Variants in DNAJC11 observed in about 807,000 individuals in gnomAD.
DNAJC11 encodes the protein DnaJ heat shock protein family (Hsp40) member C11.
A neutral mutation model predicts 78.6 loss-of-function variants in DNAJC11; 15 were observed. That is an observed-to-expected ratio of 0.19 (90% confidence interval 0.13 to 0.29). DNAJC11 has a LOEUF of 0.29. Ranked by LOEUF, DNAJC11 falls within the 10% of genes least tolerant of loss-of-function variation. The pLI is 1.00. For missense variants in DNAJC11, 547 were observed against 709.6 expected, an observed-to-expected ratio of 0.77 and a Z score of 2.60; for synonymous variants, 292 against 272.1, an observed-to-expected ratio of 1.07 and a Z score of -0.72.
chr1:6,645,202 C>G lies in DNAJC11; in HGVS notation c.895-76G>C. The stretch of plus-strand genomic sequence containing the variant: ...GGGGAGATGGGTATCTGCCCTCCCA[C>G]TAGCTCTGGGCATCTGCTGCACACA... On this transcript the variant is annotated intron_variant, in intron 8 of 15. Transcript: ENST00000377577. This position sits in a 1 kb window ranked among gnomAD's most constrained non-coding sequence, Gnocchi z 4.1. The G allele has an allele frequency of 8.4e-7, 1 of 1,190,454 alleles. No homozygotes were observed. Among genetic ancestry groups the G allele is most frequent in the South Asian group, 1.2e-5 (1 of 80,984 alleles). 73.7% of individuals were successfully genotyped at this position (1,190,454 alleles called of 1,614,324 possible).
At chr1:6,637,596 C>G (rs1212346672) in intron 12 of DNAJC11, 92 bp from the exon 13 acceptor site, 2 of 1,417,700 alleles carry the variant, frequency 1.4e-6, no homozygotes, top group Non-Finnish European at 2.0e-6. Flanking sequence ...TTGTCCACGT[C>G]AACATACTTG....
intron 1 of DNAJC11, among the ~76,000 whole-genome samples, chr1:6,692,912 C>CT (rs1166973430): frequency 6.8e-6 from 1 of 146,548 alleles, no homozygotes; most frequent in Admixed American, 6.8e-5. Flanking sequence ...CGCCCAGCCT[C>CT]TTTTTTTTTC....
Position 6,701,643 on chromosome 1 carries a change from G to A in DNAJC11, c.72+86C>T, listed in dbSNP as rs1642931169. On this transcript the variant is annotated intron_variant, in intron 1 of 15. Transcript: ENST00000377577. Reference sequence around the variant, plus strand: ...CCGACGGACCCGAGCCTCCCGTGGCGGGGGTGGGGCGGCCACCGCCAGCCC... The same window carrying A: ...CCGACGGACCCGAGCCTCCCGTGGCAGGGGTGGGGCGGCCACCGCCAGCCC... 4 of 1,371,572 alleles carry A rather than the reference G, an allele frequency of 2.9e-6. No homozygotes were observed. The South Asian group carries it at 5.4e-5, about 19-fold the overall frequency. The allele number at this position is 1,371,572 out of a possible 1,614,324, so 85.0% of individuals were successfully genotyped here. A position where few individuals can be genotyped will look rare whatever the true frequency, so the allele number is the denominator to read the frequency against.
chr1:6,690,686 AGGCTGAGGTG>A (rs1401598468), intron 1 of DNAJC11, among the ~76,000 whole-genome samples: 1 of 152,174 alleles, frequency 6.6e-6, no homozygotes, highest in Non-Finnish European at 1.5e-5. Context: ...GCACTTTGGG[AGGCTGAGGTG>A]GGCGGATCAC....
intron 4 of DNAJC11, among the ~76,000 whole-genome samples, chr1:6,666,380 C>CT (rs1642294269): frequency 2.9e-5 from 3 of 103,254 alleles, no homozygotes; most frequent in African/African-American, 1.1e-4. Flanking sequence ...TTTTTTCTTT[C>CT]TTTTCTTTTT....
chr1:6,635,394 G>T lies in DNAJC11; in HGVS notation c.*281C>A. 1 of 409,514 alleles carries T rather than the reference G, an allele frequency of 2.4e-6. No homozygotes were observed. The highest frequency in any genetic ancestry group is 4.4e-6 in the Non-Finnish European group (1 of 226,238). The allele number at this position is 409,514 out of a possible 1,614,324, so 25.4% of individuals were successfully genotyped here. On this transcript the variant is annotated 3_prime_UTR_variant, in exon 16 of 16. Coordinates refer to ENST00000377577, the MANE Select transcript of DNAJC11 (RefSeq NM_018198.4). ...CAGCACGTGTGCTCGGGACACAGCGGAGTCAGGGCCAGAGCCCTTCCCTCC... is the reference window on the plus strand; with the variant it reads ...CAGCACGTGTGCTCGGGACACAGCGTAGTCAGGGCCAGAGCCCTTCCCTCC...
intron 4 of DNAJC11, among the ~76,000 whole-genome samples, chr1:6,656,287 C>A (rs1642125301): frequency 6.6e-6 from 1 of 151,658 alleles, no homozygotes; most frequent in Non-Finnish European, 1.5e-5. Flanking sequence ...GTGTAGGAAT[C>A]TTGGTGGAGC....
At chr1:6,670,174 G>T (rs1414631853) in intron 3 of DNAJC11, among the ~76,000 whole-genome samples, 1 of 151,748 alleles carries the variant, frequency 6.6e-6, no homozygotes, top group Non-Finnish European at 1.5e-5. Context: ...TAGCCAGGAT[G>T]GTCTTGCTCT....
chr1:6,675,763 T>C (rs1379135731), intron 3 of DNAJC11, among the ~76,000 whole-genome samples: 2 of 152,168 alleles, frequency 1.3e-5, no homozygotes, highest in African/African-American at 4.8e-5. Flanking sequence ...GTGGATTTGC[T>C]TTGTTTCTAA....
At chr1:6,637,129 C>A in intron 14 of DNAJC11, 69 bp downstream of exon 14, 1 of 1,591,910 alleles carries the variant, frequency 6.3e-7, no homozygotes, top group Non-Finnish European at 8.5e-7. Context: ...GGATTATAGG[C>A]CTGAGTCACC....
chr1:6,658,447 A>G (rs1642162933), intron 4 of DNAJC11, among the ~76,000 whole-genome samples: 1 of 152,222 alleles, frequency 6.6e-6, no homozygotes, highest in South Asian at 2.1e-4. Flanking sequence ...TCCAATTATA[A>G]TTACACTGGG....
chr1:6,645,750 A>C lies in DNAJC11; in HGVS notation c.894+39T>G. Reference sequence around the variant, plus strand: ...AGTGCTTGGGAGGAGGGGTCCTCCCAGAGCTCTGTCTGCAGGAGATGATGG... The same window carrying C: ...AGTGCTTGGGAGGAGGGGTCCTCCCCGAGCTCTGTCTGCAGGAGATGATGG... On this transcript the variant is annotated intron_variant, in intron 8 of 15. Transcript: ENST00000377577. The surrounding 1 kb of genome is among the most constrained non-coding windows in gnomAD (Gnocchi z 4.1). 4 of 1,603,746 alleles carry C rather than the reference A, an allele frequency of 2.5e-6. No individual in the cohort carries two copies. The highest frequency in any genetic ancestry group is 3.4e-6 in the Non-Finnish European group (4 of 1,171,772).
intron 10 of DNAJC11, among the ~76,000 whole-genome samples, chr1:6,643,313 A>T (rs1206555216): frequency 1.6e-4 from 24 of 146,580 alleles, no homozygotes; most frequent in Non-Finnish European, 2.7e-4. Context: ...TCTCGCTCTG[A>T]TGCCCAGGCT....
Position 6,643,495 on chromosome 1 carries a change from T to C in DNAJC11, c.1097+1063A>G, listed in dbSNP as rs561332411. 4.3e-3 allele frequency among the ~76,000 whole-genome samples: 651 copies of C among 152,146 alleles called. 5 individuals carry two copies. The highest frequency in any genetic ancestry group is 6.9e-3 in the Non-Finnish European group (468 of 67,990). On this transcript the variant is annotated intron_variant, in intron 10 of 15. Coordinates refer to ENST00000377577, the MANE Select transcript of DNAJC11 (RefSeq NM_018198.4). The stretch of plus-strand genomic sequence containing the variant: ...TTTCACCGTGTTAGCCAGGATGGTC[T>C]CAATCTCCTGACCTCGTGATCTGCC...
intron 3 of DNAJC11, among the ~76,000 whole-genome samples, chr1:6,674,909 A>ACTAC (rs572905239): frequency 1.2e-3 from 178 of 152,260 alleles, no homozygotes; most frequent in Non-Finnish European, 1.8e-3. Flanking sequence ...CCCTTCACTG[A>ACTAC]CTACCCATAT....
rs770268116 is a variant in DNAJC11, at chr1:6,635,709, GA to G, written c.1655-10del. The G allele has an allele frequency of 6.2e-7, 1 of 1,614,034 alleles. No individual in the cohort carries two copies. The highest frequency in any genetic ancestry group is 8.5e-7 in the Non-Finnish European group (1 of 1,179,934). ...TGTATCGATCCTGTGGGCTGTAAAG[GA>G]AAAGACAGACGCAGGTGATCAGAAG... is the stretch of plus-strand genomic sequence containing the variant. On this transcript the variant is annotated splice_polypyrimidine_tract_variant and intron_variant, in intron 15 of 15. Transcript: ENST00000377577.
chr1:6,667,871 C>T (rs1642316481), intron 3 of DNAJC11, 61 bp from the exon 4 acceptor site: 2 of 1,480,954 alleles, frequency 1.4e-6, no homozygotes, highest in African/African-American at 1.4e-5. Flanking sequence ...GAAACGTACA[C>T]AAAGAGCTGC....
chr1:6,701,534 G>A (rs1328346308), intron 1 of DNAJC11, among the ~76,000 whole-genome samples, 195 bp downstream of exon 1: 1 of 152,096 alleles, frequency 6.6e-6, no homozygotes, highest in Non-Finnish European at 1.5e-5. Flanking sequence ...GGCTGGCCCC[G>A]GAACCCCCGG....
chr1:6,645,771 G>A lies in DNAJC11; in HGVS notation c.894+18C>T. ...TCCCAGAGCTCTGTCTGCAGGAGAT[G>A]ATGGCTGCTCGGCTCACCTGCAGGG... On this transcript the variant is annotated intron_variant, in intron 8 of 15. Coordinates refer to ENST00000377577, the MANE Select transcript of DNAJC11 (RefSeq NM_018198.4). This position sits in a 1 kb window ranked among gnomAD's most constrained non-coding sequence, Gnocchi z 4.1. 2 of 1,612,118 alleles carry A rather than the reference G, an allele frequency of 1.2e-6. No individual in the cohort carries two copies. The highest frequency in any genetic ancestry group is 1.7e-6 in the Non-Finnish European group (2 of 1,178,456).
Sources: gnomAD v4.1 joint callset for allele counts (sites outside exome capture counted in the v4.1 genomes callset) on GRCh38, gnomAD v4.1.1 for gene constraint, Gnocchi (gnomAD v3.1) non-coding constraint, MANE v1.5 for transcripts, NCBI Gene and HGNC (gene_info 2026-07-23, HGNC 2026-07-21) for gene names.